Variants in SGCD observed in about 807,000 individuals in gnomAD.
The protein encoded by SGCD is sarcoglycan delta.
Under a neutral mutation model 36.6 loss-of-function variants are expected in SGCD, and 18 were observed. That is an observed-to-expected ratio of 0.49 (90% confidence interval 0.34 to 0.73). The LOEUF (loss-of-function observed/expected upper bound fraction) is 0.73, where lower values mean the gene tolerates loss of function less well. Among genes scored for constraint, SGCD ranks in the 30% least tolerant of loss-of-function variants. SGCD has a pLI of 0.01. For missense variants in SGCD, 387 were observed against 346.7 expected (o/e 1.12, Z -0.92); for synonymous variants, 133 against 130.6 (o/e 1.02, Z -0.12).
chr5:155,944,935 G>T (rs1757408087), intron 1 of SGCD, among the ~76,000 whole-genome samples: 1 of 152,004 alleles, frequency 6.6e-6, no homozygotes. Flanking sequence ...AATAATAAGG[G>T]AGTGTAAATC....
chr5:156,097,167 T>C (rs995858204), intron 1 of SGCD, among the ~76,000 whole-genome samples: 1 of 152,114 alleles, frequency 6.6e-6, no homozygotes, highest in Non-Finnish European at 1.5e-5. Context: ...TTAATTATTA[T>C]ATGTTTTGTT....
intron 3 of SGCD, among the ~76,000 whole-genome samples, chr5:156,455,138 G>A (rs973174473): frequency 6.6e-6 from 1 of 152,120 alleles, no homozygotes; most frequent in African/African-American, 2.4e-5. Context: ...TGTTAGGGTT[G>A]AATTATGTCC....
intron 3 of SGCD, among the ~76,000 whole-genome samples, chr5:156,220,514 G>T (rs1191814757): frequency 6.6e-6 from 1 of 152,128 alleles, no homozygotes; most frequent in African/African-American, 2.4e-5. Flanking sequence ...AATAAGTGAT[G>T]TTATGAATGG....
chr5:156,173,588 C>A (rs1285354945), intron 3 of SGCD, among the ~76,000 whole-genome samples: 1 of 152,042 alleles, frequency 6.6e-6, no homozygotes, highest in Non-Finnish European at 1.5e-5. Flanking sequence ...GCATTTGTTT[C>A]AATACATAAG....
At chr5:156,561,393 A>C (rs991571415) in intron 4 of SGCD, among the ~76,000 whole-genome samples, 20 of 152,342 alleles carry the variant, frequency 1.3e-4, no homozygotes, top group African/African-American at 4.8e-4. Flanking sequence ...AAAAATAACG[A>C]GTGGCTCTTC....
chr5:156,355,744 G>C (rs752852685), intron 3 of SGCD, among the ~76,000 whole-genome samples: 4 of 152,174 alleles, frequency 2.6e-5, no homozygotes, highest in Non-Finnish European at 5.9e-5. Context: ...TCAAGCGATT[G>C]TTGTGCCTCA....
chr5:156,052,051 T>C (rs979212796), intron 1 of SGCD, among the ~76,000 whole-genome samples: 1 of 146,288 alleles, frequency 6.8e-6, no homozygotes, highest in African/African-American at 2.5e-5. Context: ...CAGGATTTTA[T>C]TGGGTGAAAA....
At chr5:155,796,115 A>G in the SGCD span, among the ~76,000 whole-genome samples, 6 of 152,212 alleles carry the variant, frequency 3.9e-5, no homozygotes, top group African/African-American at 1.4e-4. Context: ...TGATTAACAG[A>G]TACAGGGCAC....
upstream of SGCD, among the ~76,000 whole-genome samples, chr5:155,869,383 T>G (rs764015061): frequency 2.6e-5 from 4 of 152,206 alleles, no homozygotes; most frequent in Non-Finnish European, 5.9e-5. Flanking sequence ...CTAACTCTAC[T>G]CTCTCCTCAC....
intron 4 of SGCD, among the ~76,000 whole-genome samples, chr5:156,579,447 G>T (rs1255545863): frequency 6.6e-6 from 1 of 152,186 alleles, no homozygotes; most frequent in Non-Finnish European, 1.5e-5. Flanking sequence ...GCAGAGCTGA[G>T]TTCAAGTCCT....
chr5:156,210,399 T>A (rs1236002112), intron 3 of SGCD, among the ~76,000 whole-genome samples: 1 of 151,810 alleles, frequency 6.6e-6, no homozygotes, highest in Non-Finnish European at 1.5e-5. Context: ...ACAAGAAACA[T>A]GAAAAACTAA....
intron 1 of SGCD, among the ~76,000 whole-genome samples, chr5:155,964,734 C>T (rs1757869259): frequency 6.6e-6 from 1 of 152,070 alleles, no homozygotes; most frequent in African/African-American, 2.4e-5. Flanking sequence ...CATGACAGAG[C>T]TAAGATTGGC....
chr5:156,107,140 CT>C (rs1269034804), intron 1 of SGCD, among the ~76,000 whole-genome samples: 2 of 152,114 alleles, frequency 1.3e-5, no homozygotes, highest in Non-Finnish European at 2.9e-5. Flanking sequence ...GTAACTGCCC[CT>C]TACTGCTGCT....
At chr5:155,826,834 A>C in the SGCD span, among the ~76,000 whole-genome samples, 1 of 152,214 alleles carries the variant, frequency 6.6e-6, no homozygotes, top group African/African-American at 2.4e-5. Context: ...TGAATGAATG[A>C]GTAATACATC....
At chr5:156,701,056 T>C (rs1367274438) in intron 7 of SGCD, among the ~76,000 whole-genome samples, 2 of 152,166 alleles carry the variant, frequency 1.3e-5, no homozygotes, top group East Asian at 1.9e-4. Context: ...TCTGCTTTCA[T>C]GGTTTTAAAT....
intron 1 of SGCD, among the ~76,000 whole-genome samples, chr5:156,103,686 G>A (rs553454911): frequency 6.6e-6 from 1 of 152,208 alleles, no homozygotes; most frequent in South Asian, 2.1e-4. Flanking sequence ...CATATATGAA[G>A]TGTTCCAAGG....
At chr5:156,148,449 A>G (rs919552004) in intron 3 of SGCD, among the ~76,000 whole-genome samples, 3 of 152,158 alleles carry the variant, frequency 2.0e-5, no homozygotes, top group East Asian at 3.9e-4. Flanking sequence ...TTGCTAACAT[A>G]TGGAAGTCTT....
intron 3 of SGCD, among the ~76,000 whole-genome samples, chr5:156,249,978 T>C (rs796153246): frequency 2.6e-5 from 4 of 152,346 alleles, no homozygotes; most frequent in African/African-American, 9.6e-5. Context: ...ATACAGGATT[T>C]TAACTATATG....
At chr5:156,123,669 T>C (rs1762102263) in intron 2 of SGCD, among the ~76,000 whole-genome samples, 1 of 152,156 alleles carries the variant, frequency 6.6e-6, no homozygotes, top group Non-Finnish European at 1.5e-5. Flanking sequence ...TATGAAATTT[T>C]TTTTTGGTAT....
Sources: allele counts gnomAD v4.1 joint callset (sites outside exome capture counted in the v4.1 genomes callset), GRCh38; gene constraint gnomAD v4.1.1; transcripts MANE v1.5; gene names NCBI Gene and HGNC (gene_info 2026-07-23, HGNC 2026-07-21).